Variants in TAF3 observed in about 807,000 individuals in gnomAD.
TAF3 encodes the protein transcription initiation factor TFIID subunit 3.
TAF3 carries 7 observed loss-of-function variants against 80.6 expected under a neutral mutation model. The ratio of observed to expected loss-of-function variants is 0.09; its 90% CI spans 0.05 to 0.16. The LOEUF (loss-of-function observed/expected upper bound fraction) is 0.16, where lower values mean the gene tolerates loss of function less well. Ranked by LOEUF, TAF3 falls within the 10% of genes least tolerant of loss-of-function variation. The pLI, the probability that TAF3 is intolerant of heterozygous loss-of-function variation, is 1.00. For synonymous variants in TAF3, 444 were observed against 446.1 expected (o/e 1.00, Z 0.06); for missense variants, 921 against 1,140.2 (o/e 0.81, Z 2.77).
chr10:7,915,974 T>TA (rs1386557729), intron 2 of TAF3, among the ~76,000 whole-genome samples: 4 of 143,966 alleles, frequency 2.8e-5, no homozygotes, highest in African/African-American at 7.7e-5. Flanking sequence ...TAAGACTGTC[T>TA]AAAAAAAAAG....
intron 5 of TAF3, among the ~76,000 whole-genome samples, chr10:8,011,063 A>G (rs1379986105): frequency 1.3e-5 from 2 of 152,214 alleles, no homozygotes; most frequent in Non-Finnish European, 2.9e-5. Context: ...ACACAAACAC[A>G]CAACGAAATA....
intron 2 of TAF3, among the ~76,000 whole-genome samples, chr10:7,856,551 C>T (rs564454375): frequency 1.3e-5 from 2 of 152,092 alleles, no homozygotes; most frequent in South Asian, 4.2e-4. Flanking sequence ...TCCAGGAAGC[C>T]TAATATCTGA....
chr10:7,976,155 A>G (rs904109417), intron 3 of TAF3, among the ~76,000 whole-genome samples: 13 of 152,152 alleles, frequency 8.5e-5, no homozygotes, highest in Non-Finnish European at 1.9e-4. Context: ...AACAGGTCAG[A>G]TCTTTCTGAG....
chr10:7,879,428 T>C (rs147600328), intron 2 of TAF3, among the ~76,000 whole-genome samples: 42 of 152,344 alleles, frequency 2.8e-4, no homozygotes, highest in African/African-American at 9.4e-4. Flanking sequence ...ATTTTTATTA[T>C]ACATGAAATG....
At chr10:7,841,339 A>G (rs1012887059) in intron 2 of TAF3, among the ~76,000 whole-genome samples, 1 of 152,218 alleles carries the variant, frequency 6.6e-6, no homozygotes, top group Non-Finnish European at 1.5e-5. Flanking sequence ...AGAGAGGTAA[A>G]GAAATAGAGG....
intron 4 of TAF3, among the ~76,000 whole-genome samples, chr10:7,995,639 T>A (rs1461761045): frequency 1.3e-5 from 2 of 152,232 alleles, no homozygotes; most frequent in Non-Finnish European, 2.9e-5. Flanking sequence ...TTCCCCTAAT[T>A]ACTTCATGCA....
intron 2 of TAF3, among the ~76,000 whole-genome samples, chr10:7,839,163 A>G (rs151095097): frequency 1.3e-4 from 20 of 152,172 alleles, no homozygotes; most frequent in African/African-American, 4.6e-4. Flanking sequence ...TTTCCCAAAA[A>G]TAACTATGTA....
intron 2 of TAF3, among the ~76,000 whole-genome samples, chr10:7,891,857 C>A (rs1435603007): frequency 6.6e-6 from 1 of 152,182 alleles, no homozygotes; most frequent in Non-Finnish European, 1.5e-5. Flanking sequence ...ATCTACCGGA[C>A]TTAGCTTTGT....
intron 2 of TAF3, among the ~76,000 whole-genome samples, chr10:7,941,371 A>C (rs147660144): frequency 6.6e-6 from 1 of 152,266 alleles, no homozygotes; most frequent in African/African-American, 2.4e-5. Context: ...AGTGATCAGC[A>C]GTTGTTGCTA....
chr10:7,947,692 A>T (rs1274245038), intron 2 of TAF3, among the ~76,000 whole-genome samples: 14 of 152,196 alleles, frequency 9.2e-5, no homozygotes, highest in Admixed American at 9.2e-4. Context: ...GCATGGCTTG[A>T]TGAAGGCAGC....
chr10:7,873,229 G>T (rs561132442), intron 2 of TAF3, among the ~76,000 whole-genome samples: 1 of 152,032 alleles, frequency 6.6e-6, no homozygotes, highest in East Asian at 1.9e-4. Flanking sequence ...TTTTCTTCAA[G>T]ATTTTTTTTT....
At chr10:7,819,389 T>TAGAA (rs1836667295) in intron 1 of TAF3, among the ~76,000 whole-genome samples, 1 of 152,206 alleles carries the variant, frequency 6.6e-6, no homozygotes, top group Admixed American at 6.5e-5. Context: ...CGTCTTTCTG[T>TAGAA]ATCTGTTCGT....
chr10:7,850,957 G>A (rs1343854188), intron 2 of TAF3, among the ~76,000 whole-genome samples: 1 of 152,108 alleles, frequency 6.6e-6, no homozygotes, highest in Non-Finnish European at 1.5e-5. Context: ...GTGTGTGCCA[G>A]TCACTATCAT....
intron 2 of TAF3, among the ~76,000 whole-genome samples, chr10:7,837,497 G>T (rs906636355): frequency 4.6e-5 from 7 of 152,174 alleles, no homozygotes; most frequent in African/African-American, 1.4e-4. Flanking sequence ...ACAAAAATTA[G>T]CTGGGCGTGG....
chr10:7,879,291 C>A (rs751406227), intron 2 of TAF3, among the ~76,000 whole-genome samples: 2 of 152,088 alleles, frequency 1.3e-5, no homozygotes, highest in Non-Finnish European at 2.9e-5. Context: ...TTATTAATTA[C>A]AAACTTACCT....
intron 2 of TAF3, among the ~76,000 whole-genome samples, chr10:7,897,931 G>T (rs11255429): frequency 0.2 from 29,847 of 151,930 alleles, 3,026 homozygotes; most frequent in East Asian, 0.29. Flanking sequence ...AAAGTGCTGG[G>T]ATTATGGGCA....
In TAF3 at chr10:7,900,805, T is replaced by C. The variant is rs572279938; in HGVS notation, c.410-63115T>C. ...AACTTTTTGCTCTTTAGGCTTCGTA[T>C]TAAGAAGGTAAAGATTTTGATTAGA... On this transcript the variant is annotated intron_variant, in intron 2 of 6. Coordinates refer to ENST00000344293, the MANE Select transcript of TAF3 (RefSeq NM_031923.4). Among the ~76,000 whole-genome samples, 3 of 152,290 alleles carry C rather than the reference T, an allele frequency of 2.0e-5. No homozygotes were observed. The East Asian group carries it at 5.8e-4, about 29-fold the overall frequency.
At chr10:7,962,417 G>A (rs901848274) in intron 2 of TAF3, among the ~76,000 whole-genome samples, 4 of 152,064 alleles carry the variant, frequency 2.6e-5, no homozygotes, top group South Asian at 2.1e-4. Context: ...TACCCCACAC[G>A]TTTTTCTCTG....
Position 7,883,479 on chromosome 10 carries a change from T to C in TAF3, c.409+58919T>C, listed in dbSNP as rs552210826. Among the ~76,000 whole-genome samples the C allele has an allele frequency of 9.2e-5, 14 of 152,328 alleles. No individual in the cohort carries two copies. In the South Asian group the frequency reaches 2.7e-3, roughly 29 times the overall value. ...AAGTGGTGACTTCCAGATTTCTCCATTGTCAAGTTATTACTTTCTCCTTTG... is the reference window on the plus strand; with the variant it reads ...AAGTGGTGACTTCCAGATTTCTCCACTGTCAAGTTATTACTTTCTCCTTTG... On this transcript the variant is annotated intron_variant, in intron 2 of 6. Transcript: ENST00000344293.
Sources: gnomAD v4.1 joint callset for allele counts (sites outside exome capture counted in the v4.1 genomes callset) on GRCh38, gnomAD v4.1.1 for gene constraint, MANE v1.5 for transcripts, NCBI Gene and HGNC (gene_info 2026-07-23, HGNC 2026-07-21) for gene names.